Variants in JPH3 observed in about 807,000 individuals in gnomAD.
JPH3 encodes junctophilin-3.
Under a neutral mutation model 59.6 loss-of-function variants are expected in JPH3, and 11 were observed. The ratio of observed to expected loss-of-function variants is 0.18; its 90% CI spans 0.12 to 0.31. The LOEUF is 0.31. JPH3 is among the 10% of genes least tolerant of loss of function. JPH3 has a pLI of 1.00. For synonymous variants in JPH3, 673 were observed against 483.6 expected (o/e 1.39, Z -5.14); for missense variants, 1,202 against 1,105.7 (o/e 1.09, Z -1.24).
At chr16:87,632,176 G>A (rs2031584940) in intron 1 of JPH3, among the ~76,000 whole-genome samples, 2 of 152,158 alleles carry the variant, frequency 1.3e-5, no homozygotes, top group South Asian at 4.1e-4. Flanking sequence ...CTCTCTCCTG[G>A]ATAAAGTAAT....
chr16:87,688,696 G>T (rs968424554), intron 3 of JPH3, among the ~76,000 whole-genome samples: 9 of 152,208 alleles, frequency 5.9e-5, no homozygotes, highest in Non-Finnish European at 8.8e-5. Context: ...GCTCGGGCAG[G>T]ACGGGGATGC....
At chr16:87,687,017 A>C (rs551811609) in intron 3 of JPH3, among the ~76,000 whole-genome samples, 2 of 152,262 alleles carry the variant, frequency 1.3e-5, no homozygotes, top group African/African-American at 4.8e-5. Flanking sequence ...TTCTCTGAGC[A>C]GCATCTTCCC....
At chr16:87,681,325 G>A (rs550688547) in intron 2 of JPH3, among the ~76,000 whole-genome samples, 3 of 147,754 alleles carry the variant, frequency 2.0e-5, no homozygotes, top group Non-Finnish European at 4.5e-5. Flanking sequence ...CGGGAGGTCA[G>A]GTGCGCGCGG....
chr16:87,620,486 G>A (rs796632207), intron 1 of JPH3, among the ~76,000 whole-genome samples: 1 of 134,798 alleles, frequency 7.4e-6, no homozygotes, highest in East Asian at 2.6e-4. Context: ...GAGAAGAGAG[G>A]GAGAGGGGGA....
At chr16:87,629,935 G>C (rs1379122472) in intron 1 of JPH3, among the ~76,000 whole-genome samples, 4 of 152,132 alleles carry the variant, frequency 2.6e-5, no homozygotes, top group Non-Finnish European at 4.4e-5. Flanking sequence ...GGAACTCTCT[G>C]TACTTTCCAC....
intron 2 of JPH3, among the ~76,000 whole-genome samples, chr16:87,651,220 C>T (rs1018203073): frequency 6.6e-6 from 1 of 152,196 alleles, no homozygotes; most frequent in Non-Finnish European, 1.5e-5. Context: ...TTGTGATCTA[C>T]TGCTCAGAAA....
At chr16:87,659,822 A>T (rs9932687) in intron 2 of JPH3, among the ~76,000 whole-genome samples, 27,999 of 152,104 alleles carry the variant, frequency 0.18, 2,916 homozygotes, top group African/African-American at 0.26. Context: ...ATCTATCTCC[A>T]GAACTCCTTT....
intron 2 of JPH3, among the ~76,000 whole-genome samples, chr16:87,647,077 G>T (rs2032177336): frequency 6.6e-6 from 1 of 152,314 alleles, no homozygotes; most frequent in African/African-American, 2.4e-5. Context: ...GGCCTGTGAA[G>T]CTTAGGTGGT....
chr16:87,619,081 CTGTCTCA>C (rs2150827552), intron 1 of JPH3, among the ~76,000 whole-genome samples: 1 of 87,900 alleles, frequency 1.1e-5, no homozygotes, highest in East Asian at 3.8e-4. Context: ...GAGTAAGACT[CTGTCTCA>C]AAAAAAAAAA....
chr16:87,665,645 T>C (rs1332508688), intron 2 of JPH3, among the ~76,000 whole-genome samples: 2 of 152,176 alleles, frequency 1.3e-5, no homozygotes, highest in Non-Finnish European at 2.9e-5. Flanking sequence ...GTGAGGGTCC[T>C]AGGAAGCTGG....
intron 1 of JPH3, among the ~76,000 whole-genome samples, chr16:87,633,762 C>T (rs1016338976): frequency 2.0e-5 from 3 of 151,998 alleles, no homozygotes; most frequent in Non-Finnish European, 4.4e-5. Flanking sequence ...TCACACACTG[C>T]ACTCCAGCCT....
At chr16:87,632,217 G>A (rs2031586089) in intron 1 of JPH3, among the ~76,000 whole-genome samples, 1 of 152,158 alleles carries the variant, frequency 6.6e-6, no homozygotes. Flanking sequence ...AGCAAGCAGG[G>A]TTTTTGGTTC....
chr16:87,663,518 C>G (rs916770909), intron 2 of JPH3, among the ~76,000 whole-genome samples: 5 of 152,216 alleles, frequency 3.3e-5, no homozygotes, highest in African/African-American at 1.2e-4. Flanking sequence ...TTCAAGATAA[C>G]ACAAGTTTCC....
intron 2 of JPH3, among the ~76,000 whole-genome samples, chr16:87,669,379 C>G (rs2032956862): frequency 6.6e-6 from 1 of 152,226 alleles, no homozygotes; most frequent in Non-Finnish European, 1.5e-5. Context: ...ACTTGGCCAT[C>G]TTTAGGCTAA....
Position 87,663,111 on chromosome 16 carries a change from C to CTTTTTTT in JPH3, c.1160+18079_1160+18080insTTTTTTT, listed in dbSNP as rs1466941392. Among the ~76,000 whole-genome samples the CTTTTTTT allele has an allele frequency of 1.9e-3, 241 of 129,470 alleles. 3 individuals are homozygous for CTTTTTTT. The highest frequency in any genetic ancestry group is 7.4e-3 in the African/African-American group (229 of 30,792). The allele number at this position is 129,470 out of a possible 152,430, so 84.9% of individuals were successfully genotyped here. A position where few individuals can be genotyped will look rare whatever the true frequency, so the allele number is the denominator to read the frequency against. ...GGTTGTATTGTTTCAAGGTTAATTT[C>CTTTTTTT]TTTCTTTTTTTTTTTGAGATGGAGT... On this transcript the variant is annotated intron_variant, in intron 2 of 4. Coordinates refer to ENST00000284262, the MANE Select transcript of JPH3 (RefSeq NM_020655.4).
rs768512737 is a variant in JPH3 at position 87,684,278 on chromosome 16, CG to C, written c.1285+15del. 3 of 1,613,512 alleles carry C rather than the reference CG, an allele frequency of 1.9e-6. No homozygotes were observed. In the Admixed American group the frequency reaches 5.0e-5, roughly 27 times the overall value. On this transcript the variant is annotated intron_variant, in intron 3 of 4. Coordinates refer to ENST00000284262, the MANE Select transcript of JPH3 (RefSeq NM_020655.4). The stretch of plus-strand genomic sequence containing the variant: ...GCACCGGGAAAACGGTGAGTCTCGC[CG>C]GGCCTGATACTGGCATCGTGGGGAG...
At chr16:87,649,974 G>C (rs1033630629) in intron 2 of JPH3, among the ~76,000 whole-genome samples, 1 of 152,356 alleles carries the variant, frequency 6.6e-6, no homozygotes, top group East Asian at 1.9e-4. Context: ...GTGAAGGGAT[G>C]CCAAGGGGTT....
intron 2 of JPH3, among the ~76,000 whole-genome samples, chr16:87,648,137 G>A (rs1486490485): frequency 6.6e-6 from 1 of 152,218 alleles, no homozygotes; most frequent in East Asian, 1.9e-4. Context: ...CCTTGGAGGT[G>A]GGAGGCTACA....
intron 1 of JPH3, among the ~76,000 whole-genome samples, chr16:87,636,780 C>T (rs1387742920): frequency 2.0e-5 from 3 of 152,212 alleles, no homozygotes; most frequent in African/African-American, 4.8e-5. Flanking sequence ...TACACTGTGC[C>T]GGGAGGCATG....
Sources: allele counts gnomAD v4.1 joint callset (sites outside exome capture counted in the v4.1 genomes callset), GRCh38; gene constraint gnomAD v4.1.1; transcripts MANE v1.5; gene names NCBI Gene and HGNC (gene_info 2026-07-23, HGNC 2026-07-21).